The following SLC12A8 variants were observed in gnomAD, a reference collection of about 807,000 sequenced individuals.
The protein encoded by SLC12A8 is cation-chloride cotransporter 9.
In SLC12A8, 69 loss-of-function variants were observed where a neutral mutation model predicts 75.6. The observed-to-expected ratio is 0.91, with a 90% CI of 0.75 to 1.11. The LOEUF is 1.11. SLC12A8 is among the 50% of genes most tolerant of loss of function. The pLI is 0.00. For missense variants in SLC12A8, 877 were observed against 896.7 expected, an observed-to-expected ratio of 0.98 and a Z score of 0.28; for synonymous variants, 365 against 372.8, an observed-to-expected ratio of 0.98 and a Z score of 0.24.
chr3:125,085,313 A>C (rs1296562863), intron 13 of SLC12A8, among the ~76,000 whole-genome samples: 2 of 152,214 alleles, frequency 1.3e-5, no homozygotes, highest in Admixed American at 6.5e-5. Context: ...CTAGTCTAGA[A>C]TGACTTTCAA....
At chr3:125,162,653 G>A (rs541855088) in intron 5 of SLC12A8, among the ~76,000 whole-genome samples, 5 of 152,170 alleles carry the variant, frequency 3.3e-5, no homozygotes, top group South Asian at 2.1e-4. Flanking sequence ...CCTATGTTGC[G>A]CTTGGACCTA....
chr3:125,107,395 A>T, intron 10 of SLC12A8, 86 bp downstream of exon 10: 1 of 1,274,046 alleles, frequency 7.8e-7, no homozygotes, highest in Non-Finnish European at 1.1e-6. Flanking sequence ...AAACCCAGTT[A>T]TAACTGGTTC....
At chr3:125,121,919 G>A (rs1933070896) in intron 6 of SLC12A8, among the ~76,000 whole-genome samples, 1 of 152,170 alleles carries the variant, frequency 6.6e-6, no homozygotes, top group East Asian at 1.9e-4. Flanking sequence ...TCCACTATGA[G>A]GACTTTACCC....
At chr3:125,168,117 G>C (rs770194223) in intron 5 of SLC12A8, among the ~76,000 whole-genome samples, 1 of 152,176 alleles carries the variant, frequency 6.6e-6, no homozygotes, top group Non-Finnish European at 1.5e-5. Flanking sequence ...ATTCTGATTT[G>C]GACATTATCT....
intron 5 of SLC12A8, among the ~76,000 whole-genome samples, chr3:125,175,408 TG>T (rs1170720662): frequency 9.2e-5 from 14 of 152,200 alleles, no homozygotes; most frequent in Admixed American, 9.2e-4. Flanking sequence ...AGGAGCCAGT[TG>T]CTATGGGAAT....
intron 10 of SLC12A8, among the ~76,000 whole-genome samples, chr3:125,095,239 C>T (rs1355469055): frequency 6.6e-6 from 1 of 152,168 alleles, no homozygotes; most frequent in African/African-American, 2.4e-5. Flanking sequence ...GGCTAATAAG[C>T]ACCTTAAACT....
chr3:125,193,081 G>A (rs1032632093), intron 2 of SLC12A8, among the ~76,000 whole-genome samples: 7 of 152,230 alleles, frequency 4.6e-5, no homozygotes, highest in African/African-American at 1.7e-4. Context: ...AGAAATAGCA[G>A]CTTGGGGCTG....
intron 4 of SLC12A8, among the ~76,000 whole-genome samples, chr3:125,185,975 A>G (rs910375361): frequency 5.3e-5 from 8 of 152,186 alleles, no homozygotes; most frequent in African/African-American, 1.9e-4. Context: ...TTTCCAAATC[A>G]GCCCATGTAA....
chr3:125,146,623 G>A (rs1031808829), intron 5 of SLC12A8, among the ~76,000 whole-genome samples: 5 of 152,204 alleles, frequency 3.3e-5, no homozygotes, highest in African/African-American at 1.2e-4. Context: ...GGGGCTTCCT[G>A]GCCAAGGATG....
At chr3:125,087,391 C>A (rs1377102564) in intron 13 of SLC12A8, among the ~76,000 whole-genome samples, 1 of 152,102 alleles carries the variant, frequency 6.6e-6, no homozygotes, top group South Asian at 2.1e-4. Context: ...CCACGCCCAG[C>A]CCTATTTTAC....
chr3:125,179,450 C>T (rs181668042), intron 4 of SLC12A8, among the ~76,000 whole-genome samples: 2 of 152,284 alleles, frequency 1.3e-5, no homozygotes, highest in Admixed American at 1.3e-4. Flanking sequence ...AAGCAGGCTC[C>T]ATGAGTTCCA....
intron 2 of SLC12A8, among the ~76,000 whole-genome samples, chr3:125,199,623 G>A (rs1935081794): frequency 6.6e-6 from 1 of 151,220 alleles, no homozygotes; most frequent in Non-Finnish European, 1.5e-5. Flanking sequence ...GCACATGCCT[G>A]TAGTCCCAGC....
At chr3:125,199,660 C>T (rs1050244359) in intron 2 of SLC12A8, among the ~76,000 whole-genome samples, 10 of 151,662 alleles carry the variant, frequency 6.6e-5, no homozygotes, top group African/African-American at 1.5e-4. Flanking sequence ...GTGGGAGGAT[C>T]GCTTGAGCCC....
intron 13 of SLC12A8, among the ~76,000 whole-genome samples, chr3:125,087,606 C>G (rs1291331278): frequency 6.6e-6 from 1 of 152,112 alleles, no homozygotes; most frequent in Non-Finnish European, 1.5e-5. Context: ...ATTTTCCTAG[C>G]CTGCAGCTCT....
At chr3:125,130,916 AGT>A (rs769278494) in intron 6 of SLC12A8, among the ~76,000 whole-genome samples, 1 of 152,206 alleles carries the variant, frequency 6.6e-6, no homozygotes, top group Non-Finnish European at 1.5e-5. Flanking sequence ...TTCCCTGCAC[AGT>A]GTGACCAGGC....
At chr3:125,197,689 A>G (rs1395169462) in intron 2 of SLC12A8, among the ~76,000 whole-genome samples, 1 of 152,180 alleles carries the variant, frequency 6.6e-6, no homozygotes, top group African/African-American at 2.4e-5. Flanking sequence ...AGTGCCAAAT[A>G]TATCCCCTTT....
Position 125,110,311 on chromosome 3 carries a change from G to A in SLC12A8, c.937C>T (p.Leu313Phe), listed in dbSNP as rs772155850. 1 of 1,613,892 alleles carries A rather than the reference G, an allele frequency of 6.2e-7. No individual in the cohort carries two copies. Among genetic ancestry groups the A allele is most frequent in the Non-Finnish European group, 8.5e-7 (1 of 1,179,898 alleles). The change falls in exon 9 of 14, where the codon CTT becomes TTT. Residue 313 changes from leucine (L) to phenylalanine (F), a missense_variant. By Grantham distance (22) the Leu-to-Phe change is conservative (BLOSUM62 0). Coordinates refer to ENST00000469902, the MANE Select transcript of SLC12A8 (RefSeq NM_024628.6). ...AGGGACGAGATGTATAAGCCCAAAA[G>A]GAACAGGAAGCCCATGAGGGATACC... ...EKVSLMGFLFLLGLYISSLAS... is the reference protein window; with the variant it reads ...EKVSLMGFLFFLGLYISSLAS...
chr3:125,147,839 C>T (rs1053616642), intron 5 of SLC12A8, among the ~76,000 whole-genome samples: 2 of 152,182 alleles, frequency 1.3e-5, no homozygotes, highest in African/African-American at 4.8e-5. Flanking sequence ...ATCCCCAGAT[C>T]CTGAAGCACT....
chr3:125,177,836 T>G lies in SLC12A8; in HGVS notation c.529A>C (p.Lys177Gln), dbSNP rs760173926. Reference protein sequence around the residue: ...ALLGINLAGVKWIIRLQLLLL... With the variant: ...ALLGINLAGVQWIIRLQLLLL... Reference sequence around the variant, plus strand: ...AGCAGCTGGAGGCGGATTATCCATTTGACACCTGCGAGGTTAATGCCCAGC... The same window carrying G: ...AGCAGCTGGAGGCGGATTATCCATTGGACACCTGCGAGGTTAATGCCCAGC... Residue 177 changes from lysine to glutamine, a missense_variant, in exon 5 of 14, where the codon AAA (lysine) becomes CAA (glutamine). By Grantham distance (53) the Lys-to-Gln change is moderately conservative. Coordinates refer to ENST00000469902, the MANE Select transcript of SLC12A8 (RefSeq NM_024628.6). The G allele has an allele frequency of 6.2e-7, 1 of 1,614,196 alleles. No homozygotes were observed. The highest frequency in any genetic ancestry group is 1.1e-5 in the South Asian group (1 of 91,082).
Sources: allele counts gnomAD v4.1 joint callset (sites outside exome capture counted in the v4.1 genomes callset), GRCh38; gene constraint gnomAD v4.1.1; transcripts MANE v1.5; gene names NCBI Gene and HGNC (gene_info 2026-07-23, HGNC 2026-07-21).